LRRK2: variants seen among roughly 807,000 people sequenced by gnomAD.
LRRK2 encodes the protein leucine-rich repeat serine/threonine-protein kinase 2.
In LRRK2, 203 loss-of-function variants were observed where a neutral mutation model predicts 302.6. The observed-to-expected ratio is 0.67, with a 90% CI of 0.60 to 0.75. The LOEUF is 0.75. Ranked by LOEUF, LRRK2 falls within the 30% of genes least tolerant of loss-of-function variation. The pLI, the probability that LRRK2 is intolerant of heterozygous loss-of-function variation, is 0.00. For missense variants in LRRK2, 2,830 were observed against 2,951.0 expected (o/e 0.96, Z 0.95); for synonymous variants, 1,066 against 1,031.9 (o/e 1.03, Z -0.63).
chr12:40,242,435 C>A (rs1941773070), intron 6 of LRRK2, among the ~76,000 whole-genome samples: 1 of 151,902 alleles, frequency 6.6e-6, no homozygotes, highest in South Asian at 2.1e-4. Flanking sequence ...ATTGCTTTTT[C>A]TGGTAGAGTC....
In LRRK2 at chr12:40,259,487, T is replaced by G. The variant is rs1942674812; in HGVS notation, c.1426T>G (p.Ser476Ala). ...LNHLFEGSNTSLDIMAAVVPK... is the reference protein window; with the variant it reads ...LNHLFEGSNTALDIMAAVVPK... ...CCAATTTTATATCCCCAGCAACACT[T>G]CCCTGGATATAATGGCAGCAGTGGT... is the stretch of plus-strand genomic sequence containing the variant. Residue 476 changes from serine to alanine, a missense_variant, in exon 13 of 51, where the codon TCC becomes GCC. Around this residue, in one of 3 missense-constraint regions of LRRK2, gnomAD observed 2,121 missense variants for 2,148.0 expected, o/e 0.99. Coordinates refer to ENST00000298910, the MANE Select transcript of LRRK2 (RefSeq NM_198578.4). 2 of 1,613,044 alleles carry G rather than the reference T, an allele frequency of 1.2e-6. No individual in the cohort carries two copies. The highest frequency in any genetic ancestry group is 1.3e-5 in the African/African-American group (1 of 74,850).
intron 13 of LRRK2, among the ~76,000 whole-genome samples, chr12:40,262,689 A>G (rs1942828630): frequency 6.6e-6 from 1 of 152,194 alleles, no homozygotes. Flanking sequence ...ATTTACAGGA[A>G]TGTTCATTTG....
At chr12:40,310,241 TA>T (rs1021928108) in intron 30 of LRRK2, among the ~76,000 whole-genome samples, 189 bp from the exon 31 acceptor site, 7 of 152,118 alleles carry the variant, frequency 4.6e-5, no homozygotes, top group African/African-American at 1.7e-4. Context: ...AATGACTTTT[TA>T]AAATGTCGTA....
chr12:40,323,360 T>A (rs778104726), intron 38 of LRRK2, 54 bp downstream of exon 38: 1 of 1,432,596 alleles, frequency 7.0e-7, no homozygotes, highest in East Asian at 2.4e-5. Context: ...TTTCTCCTTA[T>A]AATTTAGAAA....
chr12:40,355,320 T>C (rs1484489792), intron 45 of LRRK2, among the ~76,000 whole-genome samples: 1 of 152,124 alleles, frequency 6.6e-6, no homozygotes, highest in East Asian at 1.9e-4. Context: ...TAAACTCCAC[T>C]GAAACAAAAG....
At position 40,320,786 on chromosome 12, in the gene LRRK2, A is replaced by G. The variant is rs536524961; in HGVS notation, c.5016-248A>G. Among the ~76,000 whole-genome samples the G allele has an allele frequency of 3.3e-5, 5 of 152,168 alleles. No homozygotes were observed. The South Asian group carries it at 1.0e-3, about 32-fold the overall frequency. On this transcript the variant is annotated intron_variant, in intron 34 of 50. Transcript: ENST00000298910. Reference sequence around the variant, plus strand: ...ATTTGTCTATGCATAACTAATTGTAATAATTTATGTATTAGTGCACAGGGA... The same window carrying G: ...ATTTGTCTATGCATAACTAATTGTAGTAATTTATGTATTAGTGCACAGGGA...
chr12:40,301,145 T>G, intron 25 of LRRK2: 1 of 456,230 alleles, frequency 2.2e-6, no homozygotes, highest in Non-Finnish European at 4.4e-6. Context: ...TACACAATCT[T>G]AATAGTTTGA....
chr12:40,295,140 C>T (rs987497972), intron 22 of LRRK2, among the ~76,000 whole-genome samples: 1 of 151,512 alleles, frequency 6.6e-6, no homozygotes, highest in African/African-American at 2.4e-5. Flanking sequence ...TTTTTTTTTA[C>T]AAGTTTTCTG....
At chr12:40,282,586 G>A (rs1055168212) in intron 18 of LRRK2, among the ~76,000 whole-genome samples, 1 of 152,166 alleles carries the variant, frequency 6.6e-6, no homozygotes, top group Non-Finnish European at 1.5e-5. Context: ...AATGAGGTTT[G>A]AAAAATTACA....
At chr12:40,341,257 G>T (rs760102858) in intron 41 of LRRK2, among the ~76,000 whole-genome samples, 2 of 152,144 alleles carry the variant, frequency 1.3e-5, no homozygotes, top group Non-Finnish European at 2.9e-5. Context: ...ATTACAGGTG[G>T]CTATACATCA....
chr12:40,294,757 C>T (rs1944313030), intron 21 of LRRK2, 88 bp from the exon 22 acceptor site: 9 of 730,206 alleles, frequency 1.2e-5, no homozygotes, highest in Non-Finnish European at 2.3e-6. Flanking sequence ...ACCATTAACC[C>T]TATTAAAATT....
intron 11 of LRRK2, among the ~76,000 whole-genome samples, chr12:40,256,731 C>T (rs1215163436): frequency 2.6e-5 from 4 of 152,154 alleles, no homozygotes; most frequent in African/African-American, 9.7e-5. Flanking sequence ...CTTTTACAGC[C>T]CCTTCATTCC....
At chr12:40,300,941 G>A (rs1226571768) in intron 25 of LRRK2, 7 of 470,878 alleles carry the variant, frequency 1.5e-5, no homozygotes, top group East Asian at 6.9e-5. Flanking sequence ...TGAAGCTTGT[G>A]TATGGTCAGT....
At chr12:40,364,261 G>C (rs1946805874) in intron 48 of LRRK2, among the ~76,000 whole-genome samples, 1 of 151,512 alleles carries the variant, frequency 6.6e-6, no homozygotes, top group Non-Finnish European at 1.5e-5. Context: ...TTTTTCTATG[G>C]ATTGTGAGAA....
At chr12:40,230,134 G>A (rs1489363390) in intron 2 of LRRK2, among the ~76,000 whole-genome samples, 1 of 152,012 alleles carries the variant, frequency 6.6e-6, no homozygotes, top group African/African-American at 2.4e-5. Flanking sequence ...TCCTACTTGA[G>A]TAGTATAGGT....
intron 40 of LRRK2, among the ~76,000 whole-genome samples, chr12:40,336,921 A>G (rs1330608246): frequency 1.3e-5 from 2 of 152,162 alleles, no homozygotes; most frequent in Non-Finnish European, 2.9e-5. Context: ...AAGAATTGCT[A>G]TTTTTTAACA....
At chr12:40,341,962 T>C (rs7956787) in intron 41 of LRRK2, among the ~76,000 whole-genome samples, 116,892 of 152,194 alleles carry the variant, frequency 0.77, 45,739 homozygotes, top group Non-Finnish European at 0.86. Flanking sequence ...CTGATATATT[T>C]CCACCTGGAA....
At chr12:40,319,072 G>A (rs539225782) in intron 33 of LRRK2, among the ~76,000 whole-genome samples, 1 of 152,200 alleles carries the variant, frequency 6.6e-6, no homozygotes, top group South Asian at 2.1e-4. Context: ...TTCTGTTTAA[G>A]TATTCCTTAA....
intron 18 of LRRK2, among the ~76,000 whole-genome samples, chr12:40,280,570 A>G (rs1943643565): frequency 6.6e-6 from 1 of 151,072 alleles, no homozygotes; most frequent in African/African-American, 2.4e-5. Context: ...GGCTGCAGTT[A>G]GCTGAGATTG....
Sources: gnomAD v4.1 joint callset for allele counts (sites outside exome capture counted in the v4.1 genomes callset) on GRCh38, gnomAD v4.1.1 for gene constraint, gnomAD v4.1.1 regional missense constraint, MANE v1.5 for transcripts, NCBI Gene and HGNC (gene_info 2026-07-23, HGNC 2026-07-21) for gene names.